Variants in GALNT14 observed in about 807,000 individuals in gnomAD.
GALNT14 encodes the protein polypeptide N-acetylgalactosaminyltransferase 14.
A neutral mutation model predicts 77.5 loss-of-function variants in GALNT14; 60 were observed. The ratio of observed to expected loss-of-function variants is 0.77; its 90% CI spans 0.63 to 0.96. The LOEUF (loss-of-function observed/expected upper bound fraction) is 0.96. GALNT14 is among the 40% of genes least tolerant of loss of function. The pLI, the probability that GALNT14 is intolerant of heterozygous loss-of-function variation, is 0.00. For synonymous variants in GALNT14, 280 were observed against 281.7 expected, an observed-to-expected ratio of 0.99 and a Z score of 0.06; for missense variants, 710 against 731.0, an observed-to-expected ratio of 0.97 and a Z score of 0.33.
chr2:31,102,316 T>C (rs1677320576), intron 1 of GALNT14, among the ~76,000 whole-genome samples: 1 of 152,172 alleles, frequency 6.6e-6, no homozygotes, highest in Non-Finnish European at 1.5e-5. Flanking sequence ...AGTACTGCTT[T>C]AGCTATATAA....
rs547052626 is a variant in GALNT14 at position 31,138,393 on chromosome 2, T to TGCCGCCGCCGCCGCCGCC, written c.-325_-308dup. On this transcript the variant is annotated 5_prime_UTR_variant, in exon 1 of 15. Coordinates refer to ENST00000349752, the MANE Select transcript of GALNT14 (RefSeq NM_024572.4). Reference sequence around the variant, plus strand: ...ATGTTCCCCACGCCGCCACCGCGGCTGCCGCCGCCGCCGCCGCCGCCTTGC... The same window carrying TGCCGCCGCCGCCGCCGCC: ...ATGTTCCCCACGCCGCCACCGCGGCTGCCGCCGCCGCCGCCGCCGCCGCCGCCGCCGCCGCCGCCTTGC... The TGCCGCCGCCGCCGCCGCC allele has an allele frequency of 1.8e-5, 6 of 341,144 alleles. No individual in the cohort carries two copies. Among genetic ancestry groups the TGCCGCCGCCGCCGCCGCC allele is most frequent in the Non-Finnish European group, 3.2e-5 (6 of 186,004 alleles). 21.1% of individuals were successfully genotyped at this position (341,144 alleles called of 1,614,324 possible).
intron 1 of GALNT14, among the ~76,000 whole-genome samples, chr2:31,003,568 T>C (rs547219907): frequency 8.5e-5 from 13 of 152,164 alleles, no homozygotes; most frequent in Non-Finnish European, 1.8e-4. Flanking sequence ...ATTTAGTCTC[T>C]GACAACAAAA....
intron 1 of GALNT14, chr2:31,129,714 C>T: frequency 1.3e-6 from 1 of 777,174 alleles, no homozygotes; most frequent in Non-Finnish European, 1.6e-6. Context: ...GTCTCTATGG[C>T]TGGGAGGTGG....
chr2:30,939,582 G>A (rs1221753953), intron 9 of GALNT14, among the ~76,000 whole-genome samples: 1 of 152,096 alleles, frequency 6.6e-6, no homozygotes, highest in African/African-American at 2.4e-5. Context: ...GGAAGGGGTG[G>A]GGAGGTTTGC....
intron 1 of GALNT14, among the ~76,000 whole-genome samples, chr2:31,115,862 A>T (rs983816414): frequency 6.6e-6 from 1 of 152,044 alleles, no homozygotes; most frequent in Non-Finnish European, 1.5e-5. Context: ...TTTTAAAATA[A>T]AAAAAATTAA....
intron 1 of GALNT14, among the ~76,000 whole-genome samples, chr2:31,108,940 T>C (rs1677699779): frequency 6.6e-6 from 1 of 152,222 alleles, no homozygotes; most frequent in Admixed American, 6.5e-5. Context: ...AACCAGCTGA[T>C]ACTCTTGAGA....
At chr2:31,109,757 T>A (rs922063733) in intron 1 of GALNT14, among the ~76,000 whole-genome samples, 7 of 152,184 alleles carry the variant, frequency 4.6e-5, no homozygotes, top group African/African-American at 1.7e-4. Flanking sequence ...CTACTGCTGA[T>A]AGTGGTCCTT....
At chr2:31,123,318 T>C (rs1224954273) in intron 1 of GALNT14, among the ~76,000 whole-genome samples, 1 of 152,180 alleles carries the variant, frequency 6.6e-6, no homozygotes, top group Non-Finnish European at 1.5e-5. Flanking sequence ...AAACCATTCT[T>C]AGCTCACAGG....
At chr2:31,083,518 G>A (rs531255183) in intron 1 of GALNT14, among the ~76,000 whole-genome samples, 56 of 152,264 alleles carry the variant, frequency 3.7e-4, no homozygotes, top group Admixed American at 2.5e-3. Flanking sequence ...GGATCTGGCC[G>A]TGTCTGGGTT....
chr2:30,889,124 G>A, the GALNT14 span, among the ~76,000 whole-genome samples: 1 of 152,078 alleles, frequency 6.6e-6, no homozygotes, highest in African/African-American at 2.4e-5. Flanking sequence ...TTCCTGGGAG[G>A]GAGGTTAGCC....
chr2:31,051,666 A>G (rs1275662446), intron 1 of GALNT14, among the ~76,000 whole-genome samples: 2 of 152,238 alleles, frequency 1.3e-5, no homozygotes, highest in Admixed American at 1.3e-4. Context: ...AACCTTGACT[A>G]ATACCAGGCA....
chr2:31,012,604 G>C (rs927538233), intron 1 of GALNT14, among the ~76,000 whole-genome samples: 3 of 152,112 alleles, frequency 2.0e-5, no homozygotes, highest in East Asian at 1.9e-4. Context: ...AAATGAACAG[G>C]CTCAGACATG....
At chr2:30,938,439 A>G (rs536674482) in intron 9 of GALNT14, among the ~76,000 whole-genome samples, 2 of 152,112 alleles carry the variant, frequency 1.3e-5, no homozygotes, top group East Asian at 3.9e-4. Flanking sequence ...AAAGACCAAA[A>G]GCTAAAAGTA....
chr2:31,013,863 A>T lies in GALNT14; in HGVS notation c.130-20856T>A, dbSNP rs528536854. The stretch of plus-strand genomic sequence containing the variant: ...TATGTAATTACAAAACTAAAAGTAA[A>T]CAGCTATGGGAATGGTCATGAAACA... On this transcript the variant is annotated intron_variant, in intron 1 of 14. Coordinates refer to ENST00000349752, the MANE Select transcript of GALNT14 (RefSeq NM_024572.4). Among the ~76,000 whole-genome samples, 17 of 151,954 alleles carry T rather than the reference A, an allele frequency of 1.1e-4. No homozygotes were observed. The South Asian group carries it at 3.4e-3, about 30-fold the overall frequency.
rs1464903332 is a variant in GALNT14, at chr2:30,972,854, C to T, written c.300-6552G>A. Reference sequence around the variant, plus strand: ...GGGTGGTAACAGGAAGATGGGAAACCGCTGGTGGGCTGCCACGGGTACATC... The same window carrying T: ...GGGTGGTAACAGGAAGATGGGAAACTGCTGGTGGGCTGCCACGGGTACATC... On this transcript the variant is annotated intron_variant, in intron 2 of 14. Transcript: ENST00000349752. Among the ~76,000 whole-genome samples the T allele has an allele frequency of 5.3e-5, 8 of 152,180 alleles. 1 individual carries two copies. Among genetic ancestry groups the T allele is most frequent in the South Asian group, 4.1e-4 (2 of 4,828 alleles).
chr2:31,109,701 G>A (rs775717383), intron 1 of GALNT14, among the ~76,000 whole-genome samples: 3 of 152,176 alleles, frequency 2.0e-5, no homozygotes, highest in African/African-American at 2.4e-5. Context: ...GCTTATTTGC[G>A]TGCAGTGTGT....
chr2:30,917,951 C>T (rs1048906391), intron 13 of GALNT14, among the ~76,000 whole-genome samples: 14 of 152,338 alleles, frequency 9.2e-5, no homozygotes, highest in African/African-American at 3.1e-4. Context: ...GAACTGCCCT[C>T]GTGATGCCTC....
chr2:31,105,730 A>C (rs1021736613), intron 1 of GALNT14, among the ~76,000 whole-genome samples: 3 of 151,950 alleles, frequency 2.0e-5, no homozygotes, highest in Non-Finnish European at 2.9e-5. Context: ...GTCTCAAAAA[A>C]AAAAGAAAAA....
rs564270902 is a variant in GALNT14 at position 30,946,036 on chromosome 2, G to A, written c.655-166C>T. Among the ~76,000 whole-genome samples, 36 of 152,188 alleles carry A rather than the reference G, an allele frequency of 2.4e-4. 2 individuals carry two copies. The Middle Eastern group carries it at 0.01, about 43-fold the overall frequency. ...TTTCCATCTATAAAAGGGGGTACTG[G>A]GCAATGGGACCTCTCCAGTTCTGAT... is the stretch of plus-strand genomic sequence containing the variant. On this transcript the variant is annotated intron_variant, in intron 6 of 14. Coordinates refer to ENST00000349752, the MANE Select transcript of GALNT14 (RefSeq NM_024572.4).
Sources: allele counts gnomAD v4.1 joint callset (sites outside exome capture counted in the v4.1 genomes callset), GRCh38; gene constraint gnomAD v4.1.1; transcripts MANE v1.5; gene names NCBI Gene and HGNC (gene_info 2026-07-23, HGNC 2026-07-21).